KALRN: variants seen among roughly 807,000 people sequenced by gnomAD.
The protein encoded by KALRN is kalirin.
In KALRN, 70 loss-of-function variants were observed where a neutral mutation model predicts 353.7. The ratio of observed to expected loss-of-function variants is 0.20; its 90% confidence interval spans 0.16 to 0.24. KALRN has a LOEUF of 0.24. Among genes scored for constraint, KALRN ranks in the 10% least tolerant of loss-of-function variants. KALRN has a pLI of 1.00. For missense variants in KALRN, 2,791 were observed against 3,756.7 expected, an observed-to-expected ratio of 0.74 and a Z score of 6.72; for synonymous variants, 1,391 against 1,434.8, an observed-to-expected ratio of 0.97 and a Z score of 0.69.
rs775640514 is a variant in KALRN at position 124,385,041 on chromosome 3, G to C, written c.1962+5G>C. The C allele has an allele frequency of 6.3e-7, 1 of 1,585,070 alleles. No individual in the cohort carries two copies. Among genetic ancestry groups the C allele is most frequent in the East Asian group, 2.3e-5 (1 of 44,390 alleles). ...TTCCACACACACACCAAAGAGGTAAGGGGAGCTAGTGGAGAGAGGGCATTC... is the reference window on the plus strand; with the variant it reads ...TTCCACACACACACCAAAGAGGTAACGGGAGCTAGTGGAGAGAGGGCATTC... On this transcript the variant is annotated splice_donor_5th_base_variant and intron_variant, in intron 11 of 59. Coordinates refer to ENST00000682506, the MANE Select transcript of KALRN (RefSeq NM_001388419.1).
intron 6 of KALRN, among the ~76,000 whole-genome samples, chr3:124,317,650 G>A (rs1191381357): frequency 7.8e-6 from 1 of 128,152 alleles, no homozygotes; most frequent in African/African-American, 2.9e-5. Context: ...CTGAAATACT[G>A]TATTTCTAAC....
chr3:124,482,824 A>G lies in KALRN; in HGVS notation c.4208A>G (p.His1403Arg). 6.2e-7 allele frequency: 1 copy of G among 1,612,550 alleles called. No homozygotes were observed. The highest frequency in any genetic ancestry group is 8.5e-7 in the Non-Finnish European group (1 of 1,178,542). The change falls in exon 28 of 60, where the codon CAT becomes CGT. Residue 1403 changes from histidine to arginine, a missense_variant. Physicochemically the swap from His to Arg is conservative, Grantham distance 29. Transcript: ENST00000682506. ...TCCCTGCAGGAGATACAACAGCGGC[A>G]TGGTCTGGCCAACTCCATCTCTTCC... is the stretch of plus-strand genomic sequence containing the variant. Reference protein sequence around the residue: ...GTFFDEIQQRHGLANSISSYL... With the variant: ...GTFFDEIQQRRGLANSISSYL...
At chr3:124,368,943 G>T (rs973939415) in intron 10 of KALRN, among the ~76,000 whole-genome samples, 1 of 151,730 alleles carries the variant, frequency 6.6e-6, no homozygotes, top group Non-Finnish European at 1.5e-5. Flanking sequence ...GCAGGCACTC[G>T]GCAGGCTGAG....
At chr3:124,202,764 A>G (rs1286066287) in intron 1 of KALRN, among the ~76,000 whole-genome samples, 2 of 151,864 alleles carry the variant, frequency 1.3e-5, no homozygotes, top group Non-Finnish European at 2.9e-5. Context: ...TTGCTTCATC[A>G]CCTTTTCTTC....
chr3:124,511,378 A>G (rs2065886132), intron 33 of KALRN, among the ~76,000 whole-genome samples: 1 of 152,074 alleles, frequency 6.6e-6, no homozygotes, highest in Admixed American at 6.5e-5. Context: ...CATATACCAC[A>G]TCCTTGATCT....
chr3:124,373,881 G>A (rs1433646215), intron 10 of KALRN, among the ~76,000 whole-genome samples: 1 of 152,172 alleles, frequency 6.6e-6, no homozygotes, highest in East Asian at 1.9e-4. Flanking sequence ...CAACCCACAA[G>A]AGCCCCACAA....
chr3:124,443,863 A>T (rs779651071), intron 19 of KALRN, among the ~76,000 whole-genome samples: 1 of 152,174 alleles, frequency 6.6e-6, no homozygotes, highest in Admixed American at 6.5e-5. Context: ...GGGAGCTTCA[A>T]TGAGCAAAAC....
intron 34 of KALRN, among the ~76,000 whole-genome samples, chr3:124,629,905 A>G (rs1435387539): frequency 6.6e-6 from 1 of 152,030 alleles, no homozygotes; most frequent in Non-Finnish European, 1.5e-5. Context: ...TGTCTTATAT[A>G]TCTTTATAAT....
chr3:124,035,206 A>G (rs1449964636), intron 1 of KALRN, among the ~76,000 whole-genome samples: 1 of 151,544 alleles, frequency 6.6e-6, no homozygotes, highest in Non-Finnish European at 1.5e-5. Flanking sequence ...CTTCCGAGAC[A>G]TGGATTCTAT....
At chr3:124,502,504 A>G (rs374609558) in intron 33 of KALRN, among the ~76,000 whole-genome samples, 98 of 152,276 alleles carry the variant, frequency 6.4e-4, no homozygotes, top group African/African-American at 2.3e-3. Context: ...AATGTGATGT[A>G]AAAGAAAGGG....
intron 51 of KALRN, among the ~76,000 whole-genome samples, chr3:124,689,757 G>C (rs1188764164): frequency 6.6e-6 from 1 of 151,890 alleles, no homozygotes; most frequent in Non-Finnish European, 1.5e-5. Flanking sequence ...CTATGTGCAA[G>C]ACTCATAGCA....
chr3:124,280,403 C>T (rs977288445), intron 5 of KALRN, among the ~76,000 whole-genome samples: 1 of 152,200 alleles, frequency 6.6e-6, no homozygotes, highest in African/African-American at 2.4e-5. Context: ...CCTTCCCCTG[C>T]AGGGCAGCTC....
chr3:124,658,330 GCCTTTGT>G, intron 41 of KALRN, 94 bp from the exon 42 acceptor site: 1 of 853,544 alleles, frequency 1.2e-6, no homozygotes, highest in Admixed American at 1.7e-5. Flanking sequence ...CCCCAAGTGC[GCCTTTGT>G]CCTTTGTCCA....
At chr3:124,711,328 G>A (rs2062877606) in intron 57 of KALRN, among the ~76,000 whole-genome samples, 2 of 152,068 alleles carry the variant, frequency 1.3e-5, no homozygotes, top group African/African-American at 4.8e-5. Flanking sequence ...GGCCTTATTA[G>A]CACATTATTT....
chr3:124,412,586 G>A (rs187109647), intron 13 of KALRN, among the ~76,000 whole-genome samples: 1 of 152,306 alleles, frequency 6.6e-6, no homozygotes, highest in African/African-American at 2.4e-5. Context: ...GGAAGTGTAG[G>A]ATTTAGTCTC....
intron 3 of KALRN, among the ~76,000 whole-genome samples, chr3:124,249,498 G>C (rs561889530): frequency 6.6e-6 from 1 of 152,328 alleles, no homozygotes; most frequent in African/African-American, 2.4e-5. Context: ...GTAGAATGCT[G>C]TCTAAAGGGG....
intron 15 of KALRN, among the ~76,000 whole-genome samples, chr3:124,428,162 T>C (rs1458562754): frequency 1.3e-5 from 2 of 152,128 alleles, no homozygotes; most frequent in Non-Finnish European, 2.9e-5. Context: ...ATACCAGTAA[T>C]AGAAAATTAT....
chr3:124,460,973 C>G (rs1043340457), intron 23 of KALRN, among the ~76,000 whole-genome samples: 2 of 152,154 alleles, frequency 1.3e-5, no homozygotes, highest in Non-Finnish European at 2.9e-5. Flanking sequence ...CTTATGGTTG[C>G]ACGTTCAGTT....
intron 3 of KALRN, among the ~76,000 whole-genome samples, chr3:124,235,267 G>A (rs567072328): frequency 1.3e-5 from 2 of 152,118 alleles, no homozygotes; most frequent in Non-Finnish European, 2.9e-5. Flanking sequence ...AGTGAAAATT[G>A]GTTCTTGGGG....
Sources: gnomAD v4.1 joint callset for allele counts (sites outside exome capture counted in the v4.1 genomes callset) on GRCh38, gnomAD v4.1.1 for gene constraint, MANE v1.5 for transcripts, NCBI Gene and HGNC (gene_info 2026-07-23, HGNC 2026-07-21) for gene names.